Variants in WWOX observed in about 807,000 individuals in gnomAD.
The protein encoded by WWOX is WW domain containing oxidoreductase, also known as WW domain-containing oxidoreductase.
In WWOX, 69 loss-of-function variants were observed where a neutral mutation model predicts 46.2. That is an observed-to-expected ratio of 1.49 (90% CI 1.23 to 1.82). WWOX has a LOEUF of 1.82. Ranked by LOEUF, WWOX falls within the 40% of genes most tolerant of loss-of-function variation. WWOX has a pLI of 0.00. For missense variants in WWOX, 919 were observed against 542.6 expected (o/e 1.69, Z -6.89); for synonymous variants, 359 against 202.6 (o/e 1.77, Z -6.56).
chr16:78,399,034 A>G (rs562346192), intron 6 of WWOX, among the ~76,000 whole-genome samples: 3 of 146,382 alleles, frequency 2.0e-5, no homozygotes, highest in Non-Finnish European at 3.0e-5. Flanking sequence ...ATGGATAGAA[A>G]GATGGAACAG....
chr16:78,825,965 C>T, intron 8 of WWOX: 1 of 788,240 alleles, frequency 1.3e-6, no homozygotes, highest in South Asian at 2.2e-5. Context: ...GGGTGGGAAG[C>T]CAGAGCCGCC....
chr16:78,702,046 A>ATATATATATAT (rs2048232458), intron 8 of WWOX, among the ~76,000 whole-genome samples: 4 of 91,410 alleles, frequency 4.4e-5, no homozygotes, highest in African/African-American at 1.4e-4. Flanking sequence ...TATATATATA[A>ATATATATATAT]AATAATGCAG....
chr16:79,115,291 A>C (rs755805282), intron 8 of WWOX, among the ~76,000 whole-genome samples: 1 of 152,200 alleles, frequency 6.6e-6, no homozygotes. Flanking sequence ...CTCATATGTG[A>C]AAAAGAAACT....
intron 8 of WWOX, among the ~76,000 whole-genome samples, chr16:78,615,441 G>A (rs1441088341): frequency 2.0e-5 from 3 of 152,190 alleles, no homozygotes; most frequent in African/African-American, 4.8e-5. Flanking sequence ...CTGAAGCCCA[G>A]AATTCAAGAC....
chr16:79,136,297 C>T (rs2049980521), intron 8 of WWOX, among the ~76,000 whole-genome samples: 1 of 151,140 alleles, frequency 6.6e-6, no homozygotes, highest in South Asian at 2.1e-4. Flanking sequence ...GTGGTGCAAT[C>T]TCGGCTCACT....
intron 8 of WWOX, among the ~76,000 whole-genome samples, chr16:78,637,820 G>A (rs1699816980): frequency 6.6e-6 from 1 of 152,146 alleles, no homozygotes; most frequent in Non-Finnish European, 1.5e-5. Context: ...CCAGGCCAGG[G>A]CCTATTGTGT....
At chr16:78,543,319 G>C (rs933920931) in intron 8 of WWOX, among the ~76,000 whole-genome samples, 75 of 152,170 alleles carry the variant, frequency 4.9e-4, no homozygotes, top group Non-Finnish European at 5.4e-4. Flanking sequence ...GAAGAGGGTG[G>C]GAATGTCTCA....
intron 8 of WWOX, among the ~76,000 whole-genome samples, chr16:78,609,403 G>C (rs912700684): frequency 2.0e-5 from 3 of 151,798 alleles, no homozygotes; most frequent in African/African-American, 4.8e-5. Context: ...CCCACCAGGA[G>C]AGTGGAAGAA....
chr16:79,045,298 G>T (rs984317598), intron 8 of WWOX, among the ~76,000 whole-genome samples: 1 of 152,182 alleles, frequency 6.6e-6, no homozygotes, highest in East Asian at 1.9e-4. Flanking sequence ...TAGCTCATGG[G>T]ACATTTGACC....
At chr16:78,800,638 C>A (rs1170192329) in intron 8 of WWOX, among the ~76,000 whole-genome samples, 2 of 152,092 alleles carry the variant, frequency 1.3e-5, no homozygotes, top group Non-Finnish European at 2.9e-5. Flanking sequence ...CAGCTGACGG[C>A]CAAAGGGGAA....
At chr16:78,459,518 T>G (rs2083902562) in intron 8 of WWOX, among the ~76,000 whole-genome samples, 1 of 152,218 alleles carries the variant, frequency 6.6e-6, no homozygotes, top group Non-Finnish European at 1.5e-5. Context: ...TTGCTTTGCT[T>G]CATGTTTTCC....
chr16:79,035,330 G>A (rs1163060770), intron 8 of WWOX, among the ~76,000 whole-genome samples: 1 of 152,136 alleles, frequency 6.6e-6, no homozygotes, highest in Non-Finnish European at 1.5e-5. Flanking sequence ...CAAATCCAGG[G>A]GAGTTCTAGA....
At chr16:79,209,169 C>T (rs2051625246) in intron 8 of WWOX, among the ~76,000 whole-genome samples, 1 of 152,166 alleles carries the variant, frequency 6.6e-6, no homozygotes, top group South Asian at 2.1e-4. Flanking sequence ...GTATGGCTCT[C>T]AGCATTGTAG....
chr16:78,300,512 C>G (rs954383390), intron 5 of WWOX, among the ~76,000 whole-genome samples: 1 of 151,878 alleles, frequency 6.6e-6, no homozygotes, highest in East Asian at 1.9e-4. Flanking sequence ...TCCCTCTCCC[C>G]TCTCCCTTCT....
chr16:78,207,053 G>T (rs934216346), intron 5 of WWOX, among the ~76,000 whole-genome samples: 1 of 152,110 alleles, frequency 6.6e-6, no homozygotes, highest in African/African-American at 2.4e-5. Context: ...AATTTTCCCA[G>T]GGCCAGAGGG....
At chr16:78,379,587 G>C (rs555937930) in intron 5 of WWOX, among the ~76,000 whole-genome samples, 3 of 152,312 alleles carry the variant, frequency 2.0e-5, no homozygotes, top group East Asian at 3.9e-4. Context: ...TTTTGTTGGA[G>C]GTAAGTGGAG....
At chr16:78,611,449 A>C (rs1022939576) in intron 8 of WWOX, among the ~76,000 whole-genome samples, 2 of 152,304 alleles carry the variant, frequency 1.3e-5, no homozygotes, top group East Asian at 3.9e-4. Context: ...TTATTGTGTG[A>C]AATGAGCCTG....
chr16:78,225,436 T>C (rs1367759747), intron 5 of WWOX, among the ~76,000 whole-genome samples: 1 of 152,226 alleles, frequency 6.6e-6, no homozygotes, highest in Non-Finnish European at 1.5e-5. Flanking sequence ...GTTTTACTTT[T>C]GTCTTTTAAT....
At chr16:78,270,993 A>G (rs956645997) in intron 5 of WWOX, among the ~76,000 whole-genome samples, 5 of 152,310 alleles carry the variant, frequency 3.3e-5, no homozygotes, top group South Asian at 2.1e-4. Context: ...AAATGAATCA[A>G]TATTTAGTGG....
Sources: allele counts gnomAD v4.1 joint callset (sites outside exome capture counted in the v4.1 genomes callset), GRCh38; gene constraint gnomAD v4.1.1; transcripts MANE v1.5; gene names NCBI Gene and HGNC (gene_info 2026-07-23, HGNC 2026-07-21).